PFKL: variants seen among roughly 807,000 people sequenced by gnomAD.
PFKL encodes ATP-dependent 6-phosphofructokinase, liver type.
In PFKL, 74 loss-of-function variants were observed where a neutral mutation model predicts 92.1. The ratio of observed to expected loss-of-function variants is 0.80; its 90% confidence interval spans 0.67 to 0.97. PFKL has a LOEUF of 0.97. Among genes scored for constraint, PFKL ranks in the 50% least tolerant of loss-of-function variants. The pLI, the probability that PFKL is intolerant of heterozygous loss-of-function variation, is 0.00. For synonymous variants in PFKL, 494 were observed against 456.4 expected (o/e 1.08, Z -1.05); for missense variants, 1,028 against 1,116.6 (o/e 0.92, Z 1.13).
At chr21:44,303,303 C>T (rs932289209) in intron 1 of PFKL, among the ~76,000 whole-genome samples, 23 of 150,920 alleles carry the variant, frequency 1.5e-4, no homozygotes, top group Non-Finnish European at 2.9e-4. Context: ...CCCAGCTACT[C>T]GGGAGGCAGA....
intron 21 of PFKL, 151 bp downstream of exon 21, chr21:44,326,415 A>G: frequency 1.5e-6 from 1 of 685,310 alleles, no homozygotes; most frequent in Non-Finnish European, 2.5e-6. Flanking sequence ...CAGGCCGTGG[A>G]GAGCAGGGAC....
chr21:44,312,156 G>A lies in PFKL; in HGVS notation c.289G>A (p.Gly97Arg), dbSNP rs768231545. 1.9e-5 allele frequency: 30 copies of A among 1,590,890 alleles called. No homozygotes were observed. Among genetic ancestry groups the A allele is most frequent in the Admixed American group, 7.0e-5 (4 of 57,152 alleles). The change falls in exon 4 of 22, where the codon GGG (glycine) becomes AGG (arginine). Residue 97 changes from glycine to arginine, a missense_variant. Gly to Arg is a moderately radical substitution (Grantham distance 125). Transcript: ENST00000349048. ...ARCKAFTTRE[G>R]RRAAAYNLVQ... Reference sequence around the variant, plus strand: ...CTGCAAGGCCTTTACCACCAGGGAGGGGCGCCGGGCAGCGGCCTACAACCT... The same window carrying A: ...CTGCAAGGCCTTTACCACCAGGGAGAGGCGCCGGGCAGCGGCCTACAACCT...
intron 1 of PFKL, 115 bp from the exon 2 acceptor site, chr21:44,306,566 T>G: frequency 1.1e-5 from 7 of 646,248 alleles, no homozygotes; most frequent in East Asian, 3.6e-5. Flanking sequence ...CCACCCGCCC[T>G]CTGAGATGGA....
intron 4 of PFKL, 139 bp downstream of exon 4, chr21:44,312,433 GGGA>G: frequency 1.3e-6 from 1 of 757,942 alleles, no homozygotes. Flanking sequence ...CCGTTGGCCG[GGGA>G]GGAGTAGTGT....
rs540382202 is a variant in PFKL, at chr21:44,318,889, T to C, written c.1062+294T>C. Among the ~76,000 whole-genome samples, 4 of 150,870 alleles carry C rather than the reference T, an allele frequency of 2.7e-5. No individual in the cohort carries two copies. The South Asian group carries it at 8.4e-4, about 32-fold the overall frequency. ...GAGCTTCTGTAGGCAGTGGTGGGAGTTGGGGTTACGATGGGACGGAGGAGG... is the reference window on the plus strand; with the variant it reads ...GAGCTTCTGTAGGCAGTGGTGGGAGCTGGGGTTACGATGGGACGGAGGAGG... On this transcript the variant is annotated intron_variant, in intron 10 of 21. Coordinates refer to ENST00000349048, the MANE Select transcript of PFKL (RefSeq NM_002626.6).
rs149445954 is a variant in PFKL, at chr21:44,310,790, C to T, written c.160-216C>T. ...AGCACTTGCCACAGGAGTCACGCCC[C>T]GGGACACACGGACTCACCAGCTGTG... is the stretch of plus-strand genomic sequence containing the variant. On this transcript the variant is annotated intron_variant, in intron 2 of 21. Coordinates refer to ENST00000349048, the MANE Select transcript of PFKL (RefSeq NM_002626.6). Among the ~76,000 whole-genome samples, 1,372 of 152,108 alleles carry T rather than the reference C, an allele frequency of 9.0e-3. 11 individuals are homozygous for T. Among genetic ancestry groups the T allele is most frequent in the Non-Finnish European group, 0.013 (884 of 67,938 alleles).
intron 1 of PFKL, among the ~76,000 whole-genome samples, chr21:44,300,794 T>C (rs2040752830): frequency 6.6e-6 from 1 of 152,064 alleles, no homozygotes; most frequent in South Asian, 2.1e-4. Context: ...AGGCCTCAGG[T>C]GGTGGGGACT....
intron 12 of PFKL, chr21:44,321,471 G>A: frequency 4.1e-6 from 1 of 241,952 alleles, no homozygotes; most frequent in Admixed American, 5.8e-5. Flanking sequence ...AACAGTGCTC[G>A]CCCCTTCTGC....
At chr21:44,300,767 T>A (rs2040751539) in intron 1 of PFKL, among the ~76,000 whole-genome samples, 1 of 152,202 alleles carries the variant, frequency 6.6e-6, no homozygotes, top group African/African-American at 2.4e-5. Context: ...GTCACCCTTT[T>A]CGCAGGGGTA....
At chr21:44,309,754 C>G (rs1286113139) in intron 2 of PFKL, among the ~76,000 whole-genome samples, 2 of 152,300 alleles carry the variant, frequency 1.3e-5, no homozygotes, top group East Asian at 3.9e-4. Flanking sequence ...CTGGTACAAC[C>G]AGAGGGGGCC....
chr21:44,322,977 C>G lies in PFKL; in HGVS notation c.1425C>G (p.Gly475=), dbSNP rs774320589. Residue 475 remains glycine, a synonymous_variant, in exon 15 of 22, where the codon GGC becomes GGG. Transcript: ENST00000349048. ...TTGACTGCAGGACCCTGCCCAAGGG[C>G]CAGCTGGAGTCCATTGTGGAGAACA... ...MLGTKRTLPK[G]QLESIVENIR... 5.0e-6 allele frequency: 8 copies of G among 1,612,042 alleles called. No individual in the cohort carries two copies. The highest frequency in any genetic ancestry group is 1.7e-5 in the Admixed American group (1 of 59,980).
intron 1 of PFKL, among the ~76,000 whole-genome samples, chr21:44,302,612 C>T (rs1174449245): frequency 6.6e-6 from 1 of 152,200 alleles, no homozygotes; most frequent in African/African-American, 2.4e-5. Flanking sequence ...CTATGTCAGC[C>T]GGGCAGCAGG....
chr21:44,317,529 G>C (rs959072303), intron 9 of PFKL, among the ~76,000 whole-genome samples: 14 of 152,282 alleles, frequency 9.2e-5, no homozygotes, highest in Admixed American at 7.2e-4. Context: ...GCTGTGACCG[G>C]GCCAGCCATG....
At chr21:44,309,510 T>C (rs1602008149) in intron 2 of PFKL, among the ~76,000 whole-genome samples, 1 of 152,104 alleles carries the variant, frequency 6.6e-6, no homozygotes, top group Admixed American at 6.5e-5. Context: ...GGAGGTTGTG[T>C]CTGTGAGACT....
intron 16 of PFKL, 40 bp from the exon 17 acceptor site, chr21:44,324,451 T>G (rs767318413): frequency 1.2e-6 from 2 of 1,604,430 alleles, no homozygotes; most frequent in South Asian, 2.2e-5. Flanking sequence ...CAGGGAAGGG[T>G]GGGCACGTGG....
chr21:44,311,185 CACAA>C lies in PFKL; in HGVS notation c.237+106_237+109del, dbSNP rs200420974. The C allele has an allele frequency of 3.0e-3, 2,346 of 790,798 alleles. 31 individuals carry two copies. The African/African-American group carries it at 0.033, about 11-fold the overall frequency. The allele number at this position is 790,798 out of a possible 1,614,324, so 49.0% of individuals were successfully genotyped here. A position where few individuals can be genotyped will look rare whatever the true frequency, so the allele number is the denominator to read the frequency against. Reference sequence around the variant, plus strand: ...ACACACACACAGAGACAGACACGTGCACAAACACACACATGCAGACACACAGACA... The same window carrying C: ...ACACACACACAGAGACAGACACGTGCACACACACATGCAGACACACAGACA... On this transcript the variant is annotated intron_variant, in intron 3 of 21. Transcript: ENST00000349048.
Position 44,305,698 on chromosome 21 carries a change from C to T in PFKL, c.86-983C>T, listed in dbSNP as rs2040914138. 16 of 1,182,348 alleles carry T rather than the reference C, an allele frequency of 1.4e-5. No homozygotes were observed. The South Asian group carries it at 2.2e-4, about 16-fold the overall frequency. The allele number at this position is 1,182,348 out of a possible 1,614,324, so 73.2% of individuals were successfully genotyped here. On this transcript the variant is annotated intron_variant, in intron 1 of 21. Coordinates refer to ENST00000349048, the MANE Select transcript of PFKL (RefSeq NM_002626.6). ...CTTGGCTGCCCCTTTTGTATGAAGT[C>T]ATGGATATCTTTTGAGATGGGGGCT...
chr21:44,325,706 G>T (rs2047487514), intron 19 of PFKL: 1 of 551,838 alleles, frequency 1.8e-6, no homozygotes, highest in Admixed American at 3.1e-5. Context: ...CCGATGCAGG[G>T]CCCAGGAGTC....
rs1339231795 is a variant in PFKL, at chr21:44,318,543, C to G, written c.1010C>G (p.Thr337Ser). The G allele has an allele frequency of 6.3e-7, 1 of 1,578,226 alleles. No individual in the cohort carries two copies. The highest frequency in any genetic ancestry group is 1.4e-5 in the African/African-American group (1 of 73,698). ...ATPDTPACVV[T>S]LSGNQSVRLP... Reference sequence around the variant, plus strand: ...CCTGACACGCCGGCCTGCGTGGTCACCCTCTCGGGGAACCAGTCAGTGCGG... The same window carrying G: ...CCTGACACGCCGGCCTGCGTGGTCAGCCTCTCGGGGAACCAGTCAGTGCGG... Residue 337 changes from threonine (T) to serine (S), a missense_variant, in exon 10 of 22, where the codon ACC becomes AGC. Coordinates refer to ENST00000349048, the MANE Select transcript of PFKL (RefSeq NM_002626.6).
Sources: gnomAD v4.1 joint callset for allele counts (sites outside exome capture counted in the v4.1 genomes callset) on GRCh38, gnomAD v4.1.1 for gene constraint, MANE v1.5 for transcripts, NCBI Gene and HGNC (gene_info 2026-07-23, HGNC 2026-07-21) for gene names.